HEATR4: variants seen among roughly 807,000 people sequenced by gnomAD.
HEATR4 encodes HEAT repeat containing 4.
A neutral mutation model predicts 108.8 loss-of-function variants in HEATR4; 95 were observed. The observed-to-expected ratio is 0.87, with a 90% confidence interval of 0.74 to 1.04. HEATR4 has a LOEUF of 1.04. Ranked by LOEUF, HEATR4 falls within the 50% of genes least tolerant of loss-of-function variation. The probability of loss-of-function intolerance (pLI) is 0.00; values close to 1 mark genes in which losing one functional copy is unlikely to be tolerated. For synonymous variants in HEATR4, 443 were observed against 459.4 expected, an observed-to-expected ratio of 0.96 and a Z score of 0.46; for missense variants, 1,152 against 1,253.8, an observed-to-expected ratio of 0.92 and a Z score of 1.23.
At chr14:73,607,184 C>T in the HEATR4 span, among the ~76,000 whole-genome samples, 9,017 of 152,198 alleles carry the variant, frequency 0.059, 560 homozygotes, top group African/African-American at 0.16. Flanking sequence ...ATGGCACGTG[C>T]CTATGATCCC....
chr14:73,558,543 A>G (rs1166566817), intron 1 of HEATR4, among the ~76,000 whole-genome samples: 1 of 131,630 alleles, frequency 7.6e-6, no homozygotes, highest in Non-Finnish European at 1.6e-5. Context: ...TTTTGTAGAG[A>G]TAGAGTCTCA....
At chr14:73,581,551 T>C in the HEATR4 span, 2 of 151,478 alleles carry the variant, frequency 1.3e-5, no homozygotes, top group South Asian at 4.2e-4. Context: ...GAATTAACAA[T>C]CATGCATCGA....
chr14:73,600,854 C>T, the HEATR4 span, among the ~76,000 whole-genome samples: 1 of 152,070 alleles, frequency 6.6e-6, no homozygotes, highest in Non-Finnish European at 1.5e-5. Flanking sequence ...TTAAGAACTT[C>T]TCGGCCAGGC....
chr14:73,529,537 A>G (rs1888579140), intron 2 of HEATR4, among the ~76,000 whole-genome samples: 1 of 152,010 alleles, frequency 6.6e-6, no homozygotes, highest in South Asian at 2.1e-4. Context: ...CTAGATCCCC[A>G]ACTAGAAAAT....
intron 7 of HEATR4, among the ~76,000 whole-genome samples, chr14:73,511,333 T>G (rs1314199375): frequency 2.0e-5 from 3 of 149,062 alleles, no homozygotes; most frequent in South Asian, 4.3e-4. Context: ...GCCAACATGG[T>G]GAAACCCCAT....
chr14:73,616,420 C>T, the HEATR4 span, among the ~76,000 whole-genome samples: 2 of 151,840 alleles, frequency 1.3e-5, no homozygotes, highest in Non-Finnish European at 1.5e-5. Context: ...AGGCCGGTTG[C>T]GGTGGCTCAC....
chr14:73,516,189 C>G (rs1428398308), intron 5 of HEATR4, among the ~76,000 whole-genome samples: 3 of 49,724 alleles, frequency 6.0e-5, no homozygotes, highest in Non-Finnish European at 6.1e-5. Flanking sequence ...CTGTGAGACT[C>G]CAGGGCAGTT....
the HEATR4 span, among the ~76,000 whole-genome samples, chr14:73,585,571 C>G: frequency 2.0e-5 from 3 of 151,962 alleles, no homozygotes; most frequent in African/African-American, 7.3e-5. Flanking sequence ...CGACTGTAAT[C>G]CCAGCTACGG....
chr14:73,511,556 TAAATA>T (rs1192931698), intron 7 of HEATR4, among the ~76,000 whole-genome samples: 1 of 98,028 alleles, frequency 1.0e-5, no homozygotes, highest in Non-Finnish European at 2.3e-5. Context: ...AATAAATAAA[TAAATA>T]AATAAAATAA....
the HEATR4 span, among the ~76,000 whole-genome samples, chr14:73,625,443 C>T: frequency 6.6e-6 from 1 of 152,100 alleles, no homozygotes; most frequent in Non-Finnish European, 1.5e-5. Flanking sequence ...CTCACAGCAA[C>T]CTCCGCCTCC....
chr14:73,586,306 A>G, the HEATR4 span, among the ~76,000 whole-genome samples: 3 of 152,108 alleles, frequency 2.0e-5, no homozygotes, highest in South Asian at 6.2e-4. Context: ...AGGCAGGAGA[A>G]TCACTTGAAC....
chr14:73,590,132 T>G, the HEATR4 span, among the ~76,000 whole-genome samples: 3 of 152,200 alleles, frequency 2.0e-5, no homozygotes, highest in Non-Finnish European at 2.9e-5. Context: ...GGCAGCCTGC[T>G]TTTATTCCCT....
the HEATR4 span, chr14:73,581,503 A>C: frequency 6.6e-6 from 1 of 152,092 alleles, no homozygotes; most frequent in South Asian, 2.1e-4. Context: ...CCAGGCCTCA[A>C]TACAATGGGT....
chr14:73,541,082 T>G (rs575704639), intron 1 of HEATR4, among the ~76,000 whole-genome samples: 11 of 113,962 alleles, frequency 9.7e-5, no homozygotes, highest in African/African-American at 2.9e-4. Flanking sequence ...CACAAAACCT[T>G]TAATGTAAAT....
chr14:73,485,078 C>T (rs563368711), intron 17 of HEATR4, among the ~76,000 whole-genome samples: 31 of 151,998 alleles, frequency 2.0e-4, no homozygotes, highest in African/African-American at 7.2e-4. Flanking sequence ...GCAGGAGAAT[C>T]GCTTGAACCT....
chr14:73,619,999 C>A, the HEATR4 span: 2 of 760,294 alleles, frequency 2.6e-6, no homozygotes, highest in Non-Finnish European at 4.0e-6. Context: ...GTAACCTCTG[C>A]CTCCCAGGTC....
chr14:73,506,802 C>CTTTTTTTTTTTTTTTTTTTTTTTTT (rs1470976246), intron 9 of HEATR4, among the ~76,000 whole-genome samples: 8 of 58,050 alleles, frequency 1.4e-4, no homozygotes, highest in African/African-American at 5.2e-4. Context: ...CTGACTTTAA[C>CTTTTTTTTTTTTTTTTTTTTTTTTT]TGTTTTTTTT....
chr14:73,587,251 G>C, the HEATR4 span, among the ~76,000 whole-genome samples: 1 of 151,960 alleles, frequency 6.6e-6, no homozygotes, highest in African/African-American at 2.4e-5. Context: ...CGTTGATTGA[G>C]CCTACTGACA....
chr14:73,495,694 C>A (rs775358539), intron 15 of HEATR4, among the ~76,000 whole-genome samples: 1 of 152,110 alleles, frequency 6.6e-6, no homozygotes, highest in Non-Finnish European at 1.5e-5. Context: ...TATACCTGTT[C>A]GTGAAAATTT....
Sources: allele counts gnomAD v4.1 joint callset (sites outside exome capture counted in the v4.1 genomes callset), GRCh38; gene constraint gnomAD v4.1.1; transcripts MANE v1.5; gene names NCBI Gene and HGNC (gene_info 2026-07-23, HGNC 2026-07-21).